The following NFKBID variants were observed in gnomAD, a reference collection of about 807,000 sequenced individuals.
The protein encoded by NFKBID is NFKB inhibitor delta.
In NFKBID, 26 loss-of-function variants were observed where a neutral mutation model predicts 53.4. The observed-to-expected ratio is 0.49, with a 90% CI of 0.36 to 0.68. The LOEUF is 0.68. Among genes scored for constraint, NFKBID ranks in the 30% least tolerant of loss-of-function variants. The probability of loss-of-function intolerance (pLI) is 0.00; values close to 1 mark genes in which losing one functional copy is unlikely to be tolerated. For missense variants in NFKBID, 493 were observed against 614.1 expected, an observed-to-expected ratio of 0.80 and a Z score of 2.08; for synonymous variants, 262 against 259.8, an observed-to-expected ratio of 1.01 and a Z score of -0.08.
Position 35,890,327 on chromosome 19 carries a change from C to A in NFKBID, c.1149+47G>T, listed in dbSNP as rs761578514. 3.0e-6 allele frequency: 4 copies of A among 1,331,022 alleles called. No homozygotes were observed. The South Asian group carries it at 3.5e-5, about 12-fold the overall frequency. 82.5% of individuals were successfully genotyped at this position (1,331,022 alleles called of 1,614,324 possible). On this transcript the variant is annotated intron_variant, in intron 10 of 11. Transcript: ENST00000641389. Reference sequence around the variant, plus strand: ...AGGACCCCTAACATCCCACTGCCCCCCCTACCGTACCCCACACAATCTGCA... The same window carrying A: ...AGGACCCCTAACATCCCACTGCCCCACCTACCGTACCCCACACAATCTGCA...
intron 11 of NFKBID, 70 bp downstream of exon 11, chr19:35,889,820 G>A (rs1168703190): frequency 7.0e-7 from 1 of 1,431,806 alleles, no homozygotes; most frequent in Non-Finnish European, 9.5e-7. Context: ...AGCATTGGGT[G>A]GGGCAGGGAG....
At chr19:35,889,821 G>A (rs1974625961) in intron 11 of NFKBID, 69 bp downstream of exon 11, 2 of 1,456,058 alleles carry the variant, frequency 1.4e-6, no homozygotes, top group Non-Finnish European at 9.4e-7. Context: ...GCATTGGGTG[G>A]GGCAGGGAGG....
chr19:35,888,459 A>G, exon 12 of NFKBID: 1 of 860,660 alleles, frequency 1.2e-6, no homozygotes, highest in Admixed American at 2.1e-5. Context: ...ATGGCAGGAT[A>G]TTCCACATAC....
intron 1 of NFKBID, 47 bp from the exon 2 acceptor site, chr19:35,898,869 C>A: frequency 1.4e-6 from 2 of 1,442,946 alleles, no homozygotes; most frequent in East Asian, 2.5e-5. Flanking sequence ...CCTTAAGTCA[C>A]CTAAATGCCG....
intron 9 of NFKBID, among the ~76,000 whole-genome samples, chr19:35,895,504 A>G (rs766691875): frequency 3.4e-5 from 5 of 146,452 alleles, no homozygotes; most frequent in Middle Eastern, 3.8e-3. Context: ...AAAAAAACAA[A>G]CAAACAAAAA....
At chr19:35,898,806 G>A in exon 2 of NFKBID, 1 of 1,536,038 alleles carries the variant, frequency 6.5e-7, no homozygotes, top group South Asian at 1.2e-5. Context: ...GGCAGTGGCT[G>A]CGCTCACCCC....
At chr19:35,897,713 G>C (rs915926959) in exon 4 of NFKBID, 1 of 1,612,316 alleles carries the variant, frequency 6.2e-7, no homozygotes, top group Non-Finnish European at 8.5e-7. Flanking sequence ...AAGTCAGGAG[G>C]CAGGAAATTT....
At position 35,896,693 on chromosome 19, in the gene NFKBID, T is replaced by C. The variant is rs758747697; in HGVS notation, c.684+33A>G. 6 of 1,589,494 alleles carry C rather than the reference T, an allele frequency of 3.8e-6. 1 individual carries two copies. The South Asian group carries it at 6.6e-5, about 18-fold the overall frequency. On this transcript the variant is annotated intron_variant, in intron 6 of 11. Transcript: ENST00000641389. This position sits in a 1 kb window ranked among gnomAD's most constrained non-coding sequence, Gnocchi z 5.7. ...CCAGGCCCCAGGCTCCTTCCTCCCC[T>C]GAACCCAGGAGAGTTCAGGCCCCAA...
exon 4 of NFKBID, chr19:35,897,722 T>C: frequency 1.2e-6 from 2 of 1,612,964 alleles, no homozygotes; most frequent in Non-Finnish European, 1.7e-6. Context: ...GGCAGGAAAT[T>C]TTCGGCAGCA....
intron 2 of NFKBID, 91 bp from the exon 3 acceptor site, chr19:35,898,623 G>T: frequency 7.1e-7 from 1 of 1,407,088 alleles, no homozygotes; most frequent in Non-Finnish European, 9.6e-7. Context: ...TTTCGGTCAG[G>T]ACCACCCCTC....
At position 35,896,844 on chromosome 19, in the gene NFKBID, G is replaced by A. The variant is rs61288857; in HGVS notation, c.579-13C>T. Reference sequence around the variant, plus strand: ...CAGGTGAAGGAGCCTGAGGACAGGTGGGGGACAGCCGTGAGAACAGCCCCC... The same window carrying A: ...CAGGTGAAGGAGCCTGAGGACAGGTAGGGGACAGCCGTGAGAACAGCCCCC... On this transcript the variant is annotated splice_polypyrimidine_tract_variant and intron_variant, in intron 5 of 11. Transcript: ENST00000641389. The surrounding 1 kb of genome is among the most constrained non-coding windows in gnomAD (Gnocchi z 5.7). The A allele has an allele frequency of 6.2e-7, 1 of 1,613,984 alleles. No homozygotes were observed. Among genetic ancestry groups the A allele is most frequent in the Non-Finnish European group, 8.5e-7 (1 of 1,179,930 alleles).
At chr19:35,901,688 C>CATTAAAAATG, upstream of NFKBID, 1 of 156,256 alleles carries the variant, frequency 6.4e-6, no homozygotes, top group Admixed American at 6.3e-5. Flanking sequence ...CCACTTGCCT[C>CATTAAAAATG]AGTCTCCCAA....
chr19:35,901,986 C>T, upstream of NFKBID: 2 of 599,194 alleles, frequency 3.3e-6, no homozygotes, highest in South Asian at 3.9e-5. Flanking sequence ...TGTCTGCACT[C>T]ACTTCCTTGG....
rs753734150 is a variant in NFKBID at position 35,897,835 on chromosome 19, T to G, written c.248A>C (p.His83Pro). The G allele has an allele frequency of 2.6e-6, 4 of 1,559,584 alleles. No homozygotes were observed. In the South Asian group the frequency reaches 4.6e-5, roughly 18 times the overall value. The change falls in exon 4 of 12, where the codon CAC becomes CCC. Residue 83 changes from histidine (H) to proline (P), a missense_variant. By Grantham distance (77) the His-to-Pro change is moderately conservative. This residue lies in a region of NFKBID where 226 missense variants were observed against 229.5 expected (regional missense o/e 0.98). Transcript: ENST00000641389. ...AGGTCCAGAACCCACAGTCTCCGAG[T>G]GTGCTGGGAAGGGAGGGTGGCCTGC...
At chr19:35,891,334 G>A (rs557794842) in intron 9 of NFKBID, among the ~76,000 whole-genome samples, 75 of 152,234 alleles carry the variant, frequency 4.9e-4, no homozygotes, top group Non-Finnish European at 8.2e-4. Flanking sequence ...TGATAACAGG[G>A]CAAAACCACC....
chr19:35,900,875 T>C (rs1241777029), upstream of NFKBID, among the ~76,000 whole-genome samples: 1 of 148,338 alleles, frequency 6.7e-6, no homozygotes, highest in Non-Finnish European at 1.5e-5. Context: ...AAGGAGTCTC[T>C]GTCGCCCAGG....
intron 3 of NFKBID, 112 bp from the exon 4 acceptor site, chr19:35,897,968 G>C: frequency 1.4e-6 from 1 of 701,826 alleles, no homozygotes; most frequent in African/African-American, 1.8e-5. Flanking sequence ...GTACTTCTGG[G>C]ACACCAAGCT....
chr19:35,892,425 C>T (rs1974831898), intron 9 of NFKBID, among the ~76,000 whole-genome samples: 1 of 151,516 alleles, frequency 6.6e-6, no homozygotes, highest in African/African-American at 2.4e-5. Flanking sequence ...TAGCACATGC[C>T]TATAGTCCCA....
intron 4 of NFKBID, 102 bp from the exon 5 acceptor site, chr19:35,897,160 C>A (rs1975234930): frequency 8.2e-7 from 1 of 1,216,664 alleles, no homozygotes; most frequent in Non-Finnish European, 1.1e-6. Flanking sequence ...CCATCCCAAG[C>A]CACCACACAC....
Sources: gnomAD v4.1 joint callset for allele counts (sites outside exome capture counted in the v4.1 genomes callset) on GRCh38, gnomAD v4.1.1 for gene constraint, gnomAD v4.1.1 regional missense constraint, Gnocchi (gnomAD v3.1) non-coding constraint, MANE v1.5 for transcripts, NCBI Gene and HGNC (gene_info 2026-07-23, HGNC 2026-07-21) for gene names.